Variants in HMGA2 observed in about 807,000 individuals in gnomAD.
HMGA2 encodes high mobility group AT-hook 2, also known as high mobility group protein HMGI-C.
In HMGA2, 8 loss-of-function variants were observed where a neutral mutation model predicts 19.1. The observed-to-expected ratio is 0.42, with a 90% CI of 0.25 to 0.76. The LOEUF (loss-of-function observed/expected upper bound fraction) is 0.76, where lower values mean the gene tolerates loss of function less well. Ranked by LOEUF, HMGA2 falls within the 30% of genes least tolerant of loss-of-function variation. The probability of loss-of-function intolerance (pLI) is 0.28; values close to 1 mark genes in which losing one functional copy is unlikely to be tolerated. For synonymous variants in HMGA2, 60 were observed against 48.8 expected, an observed-to-expected ratio of 1.23 and a Z score of -0.96; for missense variants, 109 against 136.3, an observed-to-expected ratio of 0.80 and a Z score of 1.00.
chr12:65,855,716 A>G lies in HMGA2; in HGVS notation c.249+17147A>G, dbSNP rs571587005. On this transcript the variant is annotated intron_variant, in intron 3 of 4. Transcript: ENST00000403681. ...CAGAACACAGATGATGATGATGATG[A>G]TGATGATGATGATGATGATGATAAT... Among the ~76,000 whole-genome samples, 370 of 151,926 alleles carry G rather than the reference A, an allele frequency of 2.4e-3. 3 individuals carry two copies. Among genetic ancestry groups the G allele is most frequent in the African/African-American group, 8.2e-3 (341 of 41,454 alleles).
intron 4 of HMGA2, chr12:65,952,186 A>T: frequency 1.8e-6 from 1 of 568,484 alleles, no homozygotes; most frequent in Non-Finnish European, 3.1e-6. Flanking sequence ...TTCTGTATGT[A>T]AATAGTCATT....
chr12:65,843,729 T>G (rs1250322967), intron 3 of HMGA2, among the ~76,000 whole-genome samples: 1 of 151,666 alleles, frequency 6.6e-6, no homozygotes, highest in Non-Finnish European at 1.5e-5. Context: ...ACAAAAACTT[T>G]TAGCTGTTTG....
rs114252134 is a variant in HMGA2, at chr12:65,876,489, C to T, written c.249+37920C>T. Among the ~76,000 whole-genome samples, 380 of 152,302 alleles carry T rather than the reference C, an allele frequency of 2.5e-3. 4 individuals are homozygous for T. Among genetic ancestry groups the T allele is most frequent in the African/African-American group, 8.5e-3 (352 of 41,558 alleles). The stretch of plus-strand genomic sequence containing the variant: ...TGTGAATACTCTTTCTCTTCCTAAT[C>T]TTAATATGTACACAACTATACATTC... On this transcript the variant is annotated intron_variant, in intron 3 of 4. Transcript: ENST00000403681.
intron 3 of HMGA2, among the ~76,000 whole-genome samples, chr12:65,872,479 C>T (rs1872758111): frequency 6.6e-6 from 1 of 152,176 alleles, no homozygotes; most frequent in East Asian, 1.9e-4. Flanking sequence ...GTTTCAGTCA[C>T]TGCCTGCATT....
In HMGA2 at chr12:65,868,217, T is replaced by C. The variant is rs559801835; in HGVS notation, c.249+29648T>C. On this transcript the variant is annotated intron_variant, in intron 3 of 4. Transcript: ENST00000403681. ...TCTCAAGGGGAAACTAGTGGTTAAA[T>C]TGTTAATTCTTTGAGTCTGAAACTT... is the stretch of plus-strand genomic sequence containing the variant. Among the ~76,000 whole-genome samples the C allele has an allele frequency of 3.9e-5, 6 of 152,340 alleles. No individual in the cohort carries two copies. The South Asian group carries it at 1.0e-3, about 26-fold the overall frequency.
At chr12:65,958,898 G>C (rs1028924290) in intron 4 of HMGA2, 1 of 151,976 alleles carries the variant, frequency 6.6e-6, no homozygotes, top group African/African-American at 2.4e-5. Flanking sequence ...GACATGGACT[G>C]TGATTTTTGC....
chr12:65,938,938 G>GC (rs1287039921), intron 3 of HMGA2, among the ~76,000 whole-genome samples: 3 of 152,006 alleles, frequency 2.0e-5, no homozygotes, highest in Non-Finnish European at 2.9e-5. Context: ...AAGTCACTGG[G>GC]CCCCCCAAAT....
intron 4 of HMGA2, chr12:65,955,627 C>T (rs947690846): frequency 2.8e-4 from 43 of 152,282 alleles, no homozygotes; most frequent in African/African-American, 9.9e-4. Flanking sequence ...CCCTGGCAAA[C>T]GATGCCTCTG....
intron 3 of HMGA2, among the ~76,000 whole-genome samples, chr12:65,889,330 A>G (rs1294040691): frequency 6.6e-6 from 1 of 152,200 alleles, no homozygotes; most frequent in Admixed American, 6.5e-5. Context: ...GTTATTTGCT[A>G]TTTGTTCCTT....
At chr12:65,859,246 A>C (rs1041447475) in intron 3 of HMGA2, 2 of 151,778 alleles carry the variant, frequency 1.3e-5, no homozygotes, top group African/African-American at 4.8e-5. Flanking sequence ...CACCCCTTTC[A>C]CTCCCCAAAG....
chr12:65,925,060 A>T (rs1378959370), intron 3 of HMGA2, among the ~76,000 whole-genome samples: 1 of 152,198 alleles, frequency 6.6e-6, no homozygotes, highest in Non-Finnish European at 1.5e-5. Flanking sequence ...AAAAGTTTCC[A>T]TCTACTGTCT....
intron 3 of HMGA2, among the ~76,000 whole-genome samples, chr12:65,907,795 T>C (rs1162066267): frequency 6.6e-6 from 1 of 152,134 alleles, no homozygotes; most frequent in Non-Finnish European, 1.5e-5. Flanking sequence ...GTGGTAGACA[T>C]GGGATTAAGC....
At chr12:65,945,294 AC>A (rs1287260254) in intron 3 of HMGA2, among the ~76,000 whole-genome samples, 1 of 152,016 alleles carries the variant, frequency 6.6e-6, no homozygotes, top group African/African-American at 2.4e-5. Flanking sequence ...TTGAAAAGTG[AC>A]CCAAACACAA....
intron 3 of HMGA2, chr12:65,942,728 C>A (rs1281321858): frequency 1.3e-5 from 2 of 152,174 alleles, no homozygotes; most frequent in African/African-American, 4.8e-5. Flanking sequence ...ACTGCTATAA[C>A]TCGGGAGCAC....
intron 3 of HMGA2, among the ~76,000 whole-genome samples, chr12:65,933,559 A>G (rs1875790750): frequency 1.3e-5 from 2 of 152,232 alleles, no homozygotes; most frequent in African/African-American, 4.8e-5. Context: ...GCATTCAGTG[A>G]ATGAGGTAAT....
At chr12:65,859,518 G>GTAAA (rs772500677) in intron 3 of HMGA2, 2 of 152,180 alleles carry the variant, frequency 1.3e-5, no homozygotes, top group Non-Finnish European at 2.9e-5. Context: ...ATAACTAAGA[G>GTAAA]TAAACATCCT....
chr12:65,825,134 C>A lies in HMGA2; in HGVS notation c.-137C>A. 2 of 643,766 alleles carry A rather than the reference C, an allele frequency of 3.1e-6. No homozygotes were observed. The highest frequency in any genetic ancestry group is 5.0e-6 in the Non-Finnish European group (2 of 402,028). 39.9% of individuals were successfully genotyped at this position (643,766 alleles called of 1,614,324 possible). A position where few individuals can be genotyped will look rare whatever the true frequency, so the allele number is the denominator to read the frequency against. ...GCGGCGGCAGCCTAAGCAACAGCAG[C>A]CCTCGCAGCCCGCCAGCTCGCGCTC... On this transcript the variant is annotated 5_prime_UTR_variant, in exon 1 of 5. Transcript: ENST00000403681. This position sits in a 1 kb window ranked among gnomAD's most constrained non-coding sequence, Gnocchi z 4.4.
intron 3 of HMGA2, among the ~76,000 whole-genome samples, chr12:65,921,490 G>A (rs919919947): frequency 2.6e-4 from 39 of 152,056 alleles, no homozygotes; most frequent in East Asian, 1.9e-4. Context: ...CTCATGACCC[G>A]CCCGCCTTGG....
At chr12:65,870,911 A>C (rs902251453) in intron 3 of HMGA2, among the ~76,000 whole-genome samples, 4 of 152,332 alleles carry the variant, frequency 2.6e-5, no homozygotes, top group Non-Finnish European at 5.9e-5. Context: ...GGATGTGGAC[A>C]GTGAACCTAA....
Sources: allele counts gnomAD v4.1 joint callset (sites outside exome capture counted in the v4.1 genomes callset), GRCh38; gene constraint gnomAD v4.1.1; non-coding constraint Gnocchi (gnomAD v3.1); transcripts MANE v1.5; gene names NCBI Gene and HGNC (gene_info 2026-07-23, HGNC 2026-07-21).